Variants in FHIT observed in about 807,000 individuals in gnomAD.
FHIT encodes fragile histidine triad diadenosine triphosphatase.
A neutral mutation model predicts 17.9 loss-of-function variants in FHIT; 19 were observed. The ratio of observed to expected loss-of-function variants is 1.06; its 90% CI spans 0.74 to 1.56. The LOEUF (loss-of-function observed/expected upper bound fraction) is 1.56, where lower values mean the gene tolerates loss of function less well. FHIT is among the 40% of genes most tolerant of loss of function. FHIT has a pLI of 0.00. For missense variants in FHIT, 248 were observed against 189.2 expected, an observed-to-expected ratio of 1.31 and a Z score of -1.82; for synonymous variants, 81 against 69.7, an observed-to-expected ratio of 1.16 and a Z score of -0.81.
chr3:60,098,979 T>C (rs1037561418), intron 5 of FHIT, among the ~76,000 whole-genome samples: 3 of 152,184 alleles, frequency 2.0e-5, no homozygotes, highest in Admixed American at 2.0e-4. Context: ...TCCTAACTTC[T>C]AATATGGAAA....
intron 8 of FHIT, among the ~76,000 whole-genome samples, chr3:59,913,865 G>C (rs1000473906): frequency 6.6e-6 from 1 of 152,140 alleles, no homozygotes; most frequent in African/African-American, 2.4e-5. Flanking sequence ...AGAATTTAGA[G>C]CTACACAGGT....
chr3:59,875,059 G>A lies in FHIT; in HGVS notation c.348+47287C>T, dbSNP rs1703091169. Among the ~76,000 whole-genome samples the A allele has an allele frequency of 2.0e-5, 3 of 152,146 alleles. 1 individual carries two copies. In the South Asian group the frequency reaches 6.2e-4, roughly 31 times the overall value. On this transcript the variant is annotated intron_variant, in intron 8 of 9. Coordinates refer to ENST00000492590, the MANE Select transcript of FHIT (RefSeq NM_002012.4). Reference sequence around the variant, plus strand: ...GGTCCTTCCCAGGTGTATCTTTTTAGTTACCTCTGGAGATAGGAGGTGCAT... The same window carrying A: ...GGTCCTTCCCAGGTGTATCTTTTTAATTACCTCTGGAGATAGGAGGTGCAT...
intron 5 of FHIT, among the ~76,000 whole-genome samples, chr3:60,320,522 ACT>A (rs1709377838): frequency 6.6e-6 from 1 of 152,188 alleles, no homozygotes; most frequent in Admixed American, 6.5e-5. Flanking sequence ...AATGCATCTT[ACT>A]CTGTTTTAAT....
chr3:60,166,536 G>C (rs759919811), intron 5 of FHIT, among the ~76,000 whole-genome samples: 12 of 152,278 alleles, frequency 7.9e-5, no homozygotes, highest in African/African-American at 1.2e-4. Context: ...CACCCTGAAA[G>C]TAAGGTACTA....
intron 5 of FHIT, among the ~76,000 whole-genome samples, chr3:60,384,888 G>A (rs1336444562): frequency 6.6e-6 from 1 of 150,692 alleles, no homozygotes; most frequent in African/African-American, 2.4e-5. Flanking sequence ...AACCTATTGT[G>A]AGAAGTCTAA....
At chr3:60,665,831 T>G (rs960263858) in intron 4 of FHIT, among the ~76,000 whole-genome samples, 1 of 152,246 alleles carries the variant, frequency 6.6e-6, no homozygotes, top group African/African-American at 2.4e-5. Flanking sequence ...TCTATTTGAT[T>G]CCTCTGGTTC....
At position 60,759,679 on chromosome 3, in the gene FHIT, T is replaced by A. The variant is rs370568565; in HGVS notation, c.-18+62240A>T. ...AAAAAGTATGTCACGAAGGAGGAAGTGATCAACTGTATCATGTACTGCTGA... is the reference window on the plus strand; with the variant it reads ...AAAAAGTATGTCACGAAGGAGGAAGAGATCAACTGTATCATGTACTGCTGA... On this transcript the variant is annotated intron_variant, in intron 4 of 9. Coordinates refer to ENST00000492590, the MANE Select transcript of FHIT (RefSeq NM_002012.4). Among the ~76,000 whole-genome samples the A allele has an allele frequency of 3.9e-4, 60 of 152,196 alleles. No homozygotes were observed. The South Asian group carries it at 0.012, about 31-fold the overall frequency.
chr3:60,924,917 A>T (rs1418304967), intron 3 of FHIT, among the ~76,000 whole-genome samples: 2 of 152,228 alleles, frequency 1.3e-5, no homozygotes, highest in Non-Finnish European at 2.9e-5. Flanking sequence ...CGAATACACA[A>T]GTCTCAGTAG....
At chr3:59,964,890 A>T (rs1707850355) in intron 7 of FHIT, among the ~76,000 whole-genome samples, 1 of 152,128 alleles carries the variant, frequency 6.6e-6, no homozygotes, top group Non-Finnish European at 1.5e-5. Flanking sequence ...AGCATCTTAA[A>T]CTCAGCATGA....
chr3:60,955,341 T>C (rs560790190), intron 3 of FHIT, among the ~76,000 whole-genome samples: 30 of 152,180 alleles, frequency 2.0e-4, no homozygotes, highest in Admixed American at 1.2e-3. Flanking sequence ...CCAAGTAGTG[T>C]GCCTCAGTAA....
At chr3:60,352,887 G>A (rs1699479946) in intron 5 of FHIT, among the ~76,000 whole-genome samples, 1 of 152,012 alleles carries the variant, frequency 6.6e-6, no homozygotes, top group South Asian at 2.1e-4. Flanking sequence ...CTCTTACCTA[G>A]GAGCTCCCTC....
At chr3:59,983,940 C>A (rs3772491) in intron 7 of FHIT, among the ~76,000 whole-genome samples, 54,759 of 149,970 alleles carry the variant, frequency 0.37, 10,755 homozygotes, top group East Asian at 0.53. Flanking sequence ...AGAGCCTCTA[C>A]GTACTGAAGT....
chr3:61,117,604 T>G (rs1259639059), intron 2 of FHIT, among the ~76,000 whole-genome samples: 1 of 152,212 alleles, frequency 6.6e-6, no homozygotes, highest in Non-Finnish European at 1.5e-5. Context: ...AAGCGATACT[T>G]ACTCTTCTAT....
intron 2 of FHIT, among the ~76,000 whole-genome samples, chr3:61,133,636 C>G (rs180696027): frequency 1.3e-5 from 2 of 152,124 alleles, no homozygotes; most frequent in Admixed American, 6.5e-5. Flanking sequence ...CTGCTTTACT[C>G]GGGTTAAGTA....
chr3:59,853,990 G>A (rs1354182709), intron 8 of FHIT, among the ~76,000 whole-genome samples: 8 of 151,828 alleles, frequency 5.3e-5, no homozygotes, highest in Non-Finnish European at 1.2e-4. Flanking sequence ...ATTAGTCCAC[G>A]TGTAAAAAAT....
At chr3:60,123,498 T>A (rs1242007173) in intron 5 of FHIT, among the ~76,000 whole-genome samples, 2 of 152,162 alleles carry the variant, frequency 1.3e-5, no homozygotes, top group Admixed American at 1.3e-4. Flanking sequence ...AAAAGGCTGT[T>A]CCTTAAGGAG....
intron 4 of FHIT, among the ~76,000 whole-genome samples, chr3:60,576,202 C>T (rs901646050): frequency 2.7e-5 from 4 of 150,058 alleles, no homozygotes; most frequent in Non-Finnish European, 5.9e-5. Flanking sequence ...GCAAGAGCGT[C>T]ATTGGAAATT....
chr3:60,343,595 C>A (rs185603057), intron 5 of FHIT, among the ~76,000 whole-genome samples: 1 of 152,178 alleles, frequency 6.6e-6, no homozygotes, highest in African/African-American at 2.4e-5. Flanking sequence ...TTTTCCACTA[C>A]GCTTTGCCAT....
chr3:59,906,383 A>G (rs1704585665), intron 8 of FHIT, among the ~76,000 whole-genome samples: 1 of 152,222 alleles, frequency 6.6e-6, no homozygotes, highest in Non-Finnish European at 1.5e-5. Context: ...TATCTGTGTA[A>G]ATATATTAAA....
Sources: allele counts gnomAD v4.1 joint callset (sites outside exome capture counted in the v4.1 genomes callset), GRCh38; gene constraint gnomAD v4.1.1; transcripts MANE v1.5; gene names NCBI Gene and HGNC (gene_info 2026-07-23, HGNC 2026-07-21).